Variants in WDR7 observed in about 807,000 individuals in gnomAD.
WDR7 encodes the protein WD repeat domain 7.
WDR7 carries 46 observed loss-of-function variants against 169.4 expected under a neutral mutation model. The ratio of observed to expected loss-of-function variants is 0.27; its 90% confidence interval spans 0.21 to 0.35. WDR7 has a LOEUF of 0.35. WDR7 is among the 10% of genes least tolerant of loss of function. WDR7 has a pLI of 1.00. For synonymous variants in WDR7, 612 were observed against 666.8 expected, an observed-to-expected ratio of 0.92 and a Z score of 1.27; for missense variants, 1,534 against 1,859.3, an observed-to-expected ratio of 0.83 and a Z score of 3.22.
intron 1 of WDR7, among the ~76,000 whole-genome samples, chr18:56,668,958 G>A (rs2025077503): frequency 6.6e-6 from 1 of 151,356 alleles, no homozygotes; most frequent in Admixed American, 6.6e-5. Flanking sequence ...TATTGTACTA[G>A]TTGCATTACA....
chr18:56,801,654 A>T (rs2044675024), intron 19 of WDR7, among the ~76,000 whole-genome samples: 1 of 152,160 alleles, frequency 6.6e-6, no homozygotes, highest in Admixed American at 6.5e-5. Context: ...TCTGTTTTCC[A>T]TCCTTACAGT....
chr18:56,911,292 C>T (rs927709120), intron 21 of WDR7, among the ~76,000 whole-genome samples: 3 of 152,316 alleles, frequency 2.0e-5, no homozygotes, highest in South Asian at 2.1e-4. Flanking sequence ...TAACTAACAA[C>T]TCATTAGCTT....
chr18:56,914,724 A>G (rs1321244103), intron 21 of WDR7, among the ~76,000 whole-genome samples: 2 of 152,180 alleles, frequency 1.3e-5, no homozygotes, highest in African/African-American at 4.8e-5. Flanking sequence ...TCCCCTGACC[A>G]TCAAACAATC....
intron 18 of WDR7, 32 bp from the exon 19 acceptor site, chr18:56,781,501 T>C (rs1468529095): frequency 3.2e-6 from 5 of 1,548,332 alleles, no homozygotes; most frequent in Non-Finnish European, 3.5e-6. Flanking sequence ...CTAATCTGCT[T>C]TCTGCTTTTA....
intron 1 of WDR7, among the ~76,000 whole-genome samples, chr18:56,657,799 T>C (rs2024810303): frequency 6.6e-6 from 1 of 152,256 alleles, no homozygotes; most frequent in Non-Finnish European, 1.5e-5. Flanking sequence ...CAGAAAGTCC[T>C]TGTGAGTCCA....
At chr18:56,796,300 C>T (rs1229503440) in intron 19 of WDR7, among the ~76,000 whole-genome samples, 1 of 152,146 alleles carries the variant, frequency 6.6e-6, no homozygotes, top group Admixed American at 6.5e-5. Context: ...TTCTTTACTA[C>T]CCTACTGGCT....
chr18:56,843,921 G>T (rs2045526527), intron 20 of WDR7, among the ~76,000 whole-genome samples: 1 of 149,202 alleles, frequency 6.7e-6, no homozygotes, highest in African/African-American at 2.5e-5. Flanking sequence ...GGAGTGCAGT[G>T]GTACAATCTT....
At chr18:56,967,905 G>A (rs1368774328) in intron 26 of WDR7, among the ~76,000 whole-genome samples, 1 of 152,092 alleles carries the variant, frequency 6.6e-6, no homozygotes, top group African/African-American at 2.4e-5. Flanking sequence ...ATACTGTATT[G>A]GTTAGGGAAT....
chr18:56,915,543 C>T (rs916745875), intron 21 of WDR7, among the ~76,000 whole-genome samples: 1 of 152,092 alleles, frequency 6.6e-6, no homozygotes, highest in Non-Finnish European at 1.5e-5. Flanking sequence ...ATCCAGCAAC[C>T]TGCAGTGGCT....
chr18:56,909,026 A>G (rs2046517942), intron 21 of WDR7, among the ~76,000 whole-genome samples: 1 of 152,164 alleles, frequency 6.6e-6, no homozygotes, highest in African/African-American at 2.4e-5. Context: ...AGGGAGAGGC[A>G]TATAATATAT....
At chr18:56,797,972 C>T (rs115289131) in intron 19 of WDR7, among the ~76,000 whole-genome samples, 1,552 of 152,212 alleles carry the variant, frequency 0.01, 28 homozygotes, top group African/African-American at 0.035. Flanking sequence ...TTCCACTTTC[C>T]ATCACTACCA....
rs760801155 is a variant in WDR7 at position 56,816,070 on chromosome 18, C to T, written c.3230C>T (p.Ala1077Val). The T allele has an allele frequency of 3.1e-6, 5 of 1,613,588 alleles. No individual in the cohort carries two copies. Among genetic ancestry groups the T allele is most frequent in the Non-Finnish European group, 4.2e-6 (5 of 1,179,898 alleles). ...GAAGCCGCGCAGACTATCACCACGG[C>T]TCCTGATGCCTCAGGGCCTGAAGCA... The part of the protein sequence containing the change: ...TSEAAQTITT[A>V]PDASGPEAKV... The change falls in exon 20 of 28, where the codon GCT becomes GTT. Residue 1077 changes from alanine (A) to valine (V), a missense_variant. Coordinates refer to ENST00000254442, the MANE Select transcript of WDR7 (RefSeq NM_015285.3).
chr18:56,933,577 ATCT>A (rs1378741598), intron 22 of WDR7, among the ~76,000 whole-genome samples: 1 of 152,246 alleles, frequency 6.6e-6, no homozygotes, highest in African/African-American at 2.4e-5. Flanking sequence ...TATCACTAAA[ATCT>A]TCTCTCAAAG....
intron 26 of WDR7, among the ~76,000 whole-genome samples, chr18:56,973,158 G>A (rs1366866793): frequency 2.6e-5 from 4 of 152,206 alleles, no homozygotes; most frequent in Admixed American, 6.5e-5. Flanking sequence ...TTACAGGCGC[G>A]AGCCACCGCG....
At chr18:56,668,182 C>G (rs1229693669) in intron 1 of WDR7, among the ~76,000 whole-genome samples, 2 of 152,202 alleles carry the variant, frequency 1.3e-5, no homozygotes, top group East Asian at 1.9e-4. Flanking sequence ...AGTCCAAACT[C>G]TTGAAAATGT....
chr18:56,983,577 AG>A (rs1206356129), intron 26 of WDR7, among the ~76,000 whole-genome samples: 2 of 31,294 alleles, frequency 6.4e-5, no homozygotes, highest in African/African-American at 2.4e-4. Flanking sequence ...ACACAGAGAG[AG>A]AGAGAGAGAG....
chr18:56,771,602 C>A (rs937590084), intron 16 of WDR7, among the ~76,000 whole-genome samples: 1 of 139,850 alleles, frequency 7.2e-6, no homozygotes, highest in Non-Finnish European at 1.5e-5. Context: ...AAAATACTGG[C>A]CGGGCACGGT....
intron 20 of WDR7, among the ~76,000 whole-genome samples, chr18:56,830,092 G>T (rs2145276902): frequency 6.6e-6 from 1 of 152,300 alleles, no homozygotes; most frequent in South Asian, 2.1e-4. Flanking sequence ...TGTTAAATAT[G>T]ATTTGGGAGC....
chr18:56,833,089 G>A (rs1438740302), intron 20 of WDR7, among the ~76,000 whole-genome samples: 1 of 149,696 alleles, frequency 6.7e-6, no homozygotes, highest in African/African-American at 2.4e-5. Flanking sequence ...TAAGAACCTT[G>A]ATAAAAGGTT....
Sources: gnomAD v4.1 joint callset for allele counts (sites outside exome capture counted in the v4.1 genomes callset) on GRCh38, gnomAD v4.1.1 for gene constraint, MANE v1.5 for transcripts, NCBI Gene and HGNC (gene_info 2026-07-23, HGNC 2026-07-21) for gene names.